The following DOCK3 variants were observed in gnomAD, a reference collection of about 807,000 sequenced individuals.
The protein encoded by DOCK3 is dedicator of cytokinesis 3.
In DOCK3, 60 loss-of-function variants were observed where a neutral mutation model predicts 265.6. The observed-to-expected ratio is 0.23, with a 90% confidence interval of 0.18 to 0.28. The LOEUF (loss-of-function observed/expected upper bound fraction) is 0.28. Ranked by LOEUF, DOCK3 falls within the 10% of genes least tolerant of loss-of-function variation. The pLI is 1.00. For missense variants in DOCK3, 1,981 were observed against 2,594.3 expected, an observed-to-expected ratio of 0.76 and a Z score of 5.14; for synonymous variants, 881 against 938.0, an observed-to-expected ratio of 0.94 and a Z score of 1.11.
At chr3:50,682,987 T>C (rs1274497669) in intron 1 of DOCK3, among the ~76,000 whole-genome samples, 2 of 152,236 alleles carry the variant, frequency 1.3e-5, no homozygotes, top group African/African-American at 2.4e-5. Flanking sequence ...GCCTGGTCTA[T>C]CTTTGCATTC....
At chr3:51,356,783 T>G (rs1198556981) in intron 43 of DOCK3, among the ~76,000 whole-genome samples, 179 bp from the exon 44 acceptor site, 7 of 152,192 alleles carry the variant, frequency 4.6e-5, no homozygotes, top group African/African-American at 1.7e-4. Context: ...CTTCACTATT[T>G]GCTGTACTTC....
intron 51 of DOCK3, chr3:51,379,452 TGC>T: frequency 1.0e-6 from 1 of 985,430 alleles, no homozygotes; most frequent in Non-Finnish European, 1.2e-6. Context: ...CCTTCAGCTG[TGC>T]CAGCAGCCCC....
chr3:50,936,343 A>G (rs1209813459), intron 5 of DOCK3, among the ~76,000 whole-genome samples: 1 of 151,730 alleles, frequency 6.6e-6, no homozygotes, highest in Non-Finnish European at 1.5e-5. Context: ...TAGCCTCAGA[A>G]TACTAGATAG....
chr3:50,992,410 G>A (rs1172218097), intron 5 of DOCK3, among the ~76,000 whole-genome samples: 1 of 152,166 alleles, frequency 6.6e-6, no homozygotes, highest in Non-Finnish European at 1.5e-5. Flanking sequence ...CTATTCTCCT[G>A]CCTCAGCCTC....
At chr3:51,014,390 A>G (rs2079072709) in intron 5 of DOCK3, among the ~76,000 whole-genome samples, 1 of 151,020 alleles carries the variant, frequency 6.6e-6, no homozygotes, top group Non-Finnish European at 1.5e-5. Flanking sequence ...TACATTCTCC[A>G]CCTCCCTCGA....
Position 51,016,752 on chromosome 3 carries a change from T to TATATGATATATGTTTATATATATA in DOCK3, c.316-47695_316-47694insTATGATATATGTTTATATATATAA, listed in dbSNP as rs2079315903. Among the ~76,000 whole-genome samples the TATATGATATATGTTTATATATATA allele has an allele frequency of 3.4e-4, 5 of 14,616 alleles. 2 individuals carry two copies. The highest frequency in any genetic ancestry group is 3.2e-3 in the African/African-American group (5 of 1,542). 9.6% of individuals were successfully genotyped at this position (14,616 alleles called of 152,430 possible). ...ATGATACATATTATATATATCAATA[T>TATATGATATATGTTTATATATATA]AATATATATGATATATGTTTATATA... On this transcript the variant is annotated intron_variant, in intron 5 of 52. Transcript: ENST00000266037.
At position 50,778,834 on chromosome 3, in the gene DOCK3, A is replaced by G. The variant is rs1370965034; in HGVS notation, c.121+76A>G. The stretch of plus-strand genomic sequence containing the variant: ...TATATACATTTATTTTGTGCTAATA[A>G]GATTATAAGCAATAATTCTGGAGCC... On this transcript the variant is annotated intron_variant, in intron 2 of 52. Transcript: ENST00000266037. The G allele has an allele frequency of 5.8e-6, 6 of 1,027,428 alleles. No homozygotes were observed. In the Admixed American group the frequency reaches 1.4e-4, roughly 24 times the overall value. 63.6% of individuals were successfully genotyped at this position (1,027,428 alleles called of 1,614,324 possible).
intron 4 of DOCK3, among the ~76,000 whole-genome samples, chr3:50,920,483 G>A (rs1481653149): frequency 6.6e-6 from 1 of 152,184 alleles, no homozygotes; most frequent in Non-Finnish European, 1.5e-5. Flanking sequence ...TTGGGAGGGT[G>A]TATGTGTCTA....
intron 47 of DOCK3, 124 bp downstream of exon 47, chr3:51,360,756 T>C (rs914224058): frequency 6.0e-5 from 80 of 1,341,194 alleles, no homozygotes; most frequent in Middle Eastern, 5.3e-4. Context: ...CAAACACTTA[T>C]GTGGCTCCTG....
chr3:51,372,821 A>G (rs1214437066), intron 49 of DOCK3, among the ~76,000 whole-genome samples: 1 of 152,234 alleles, frequency 6.6e-6, no homozygotes, highest in Non-Finnish European at 1.5e-5. Flanking sequence ...TATATTGGTC[A>G]GTGAGAATAG....
chr3:51,352,940 A>G (rs957091938), intron 40 of DOCK3, among the ~76,000 whole-genome samples: 1 of 152,198 alleles, frequency 6.6e-6, no homozygotes, highest in African/African-American at 2.4e-5. Context: ...CCCTGAATGC[A>G]CAGGCCATCT....
chr3:50,846,722 A>C lies in DOCK3; in HGVS notation c.162+5007A>C, dbSNP rs866882153. ...TGTTCAGGGTTTCAGTTTCTTCCTGATTCAATCTTGGGATCTTGTGTGTTT... is the reference window on the plus strand; with the variant it reads ...TGTTCAGGGTTTCAGTTTCTTCCTGCTTCAATCTTGGGATCTTGTGTGTTT... On this transcript the variant is annotated intron_variant, in intron 3 of 52. Coordinates refer to ENST00000266037, the MANE Select transcript of DOCK3 (RefSeq NM_004947.5). Among the ~76,000 whole-genome samples, 3 of 152,162 alleles carry C rather than the reference A, an allele frequency of 2.0e-5. 1 individual carries two copies. In the South Asian group the frequency reaches 6.2e-4, roughly 32 times the overall value.
At chr3:51,094,459 A>G (rs77289618) in intron 9 of DOCK3, among the ~76,000 whole-genome samples, 10,897 of 151,870 alleles carry the variant, frequency 0.072, 980 homozygotes, top group East Asian at 0.33. Flanking sequence ...TTGTGTAGAG[A>G]TATTTATAGT....
intron 5 of DOCK3, among the ~76,000 whole-genome samples, chr3:51,017,410 G>C (rs1285189974): frequency 6.6e-6 from 1 of 151,268 alleles, no homozygotes; most frequent in Non-Finnish European, 1.5e-5. Context: ...CTTTGAGTTT[G>C]GTTTGTGCTT....
chr3:51,079,770 A>C (rs962051888), intron 7 of DOCK3, among the ~76,000 whole-genome samples: 2 of 152,230 alleles, frequency 1.3e-5, no homozygotes, highest in African/African-American at 4.8e-5. Context: ...GAAAATATAA[A>C]GTATTTCAAA....
At chr3:50,728,747 G>A (rs1027962930) in intron 1 of DOCK3, among the ~76,000 whole-genome samples, 2 of 146,846 alleles carry the variant, frequency 1.4e-5, no homozygotes, top group African/African-American at 2.5e-5. Context: ...TTTTGAAATG[G>A]ATTCTTGCTC....
At chr3:51,213,239 G>A (rs1369643447) in intron 13 of DOCK3, among the ~76,000 whole-genome samples, 7 of 151,964 alleles carry the variant, frequency 4.6e-5, no homozygotes, top group Non-Finnish European at 8.8e-5. Flanking sequence ...CAGTGAGGAC[G>A]CCTCCTGTCA....
chr3:50,893,064 A>G (rs1424686405), intron 4 of DOCK3, among the ~76,000 whole-genome samples: 1 of 152,080 alleles, frequency 6.6e-6, no homozygotes, highest in African/African-American at 2.4e-5. Flanking sequence ...GTACATTCAT[A>G]GAAAAGGTTT....
chr3:50,983,089 A>G (rs2077756588), intron 5 of DOCK3, among the ~76,000 whole-genome samples: 1 of 152,142 alleles, frequency 6.6e-6, no homozygotes. Context: ...AGGTGTGTGC[A>G]TGCTTGAGGC....
Sources: gnomAD v4.1 joint callset for allele counts (sites outside exome capture counted in the v4.1 genomes callset) on GRCh38, gnomAD v4.1.1 for gene constraint, MANE v1.5 for transcripts, NCBI Gene and HGNC (gene_info 2026-07-23, HGNC 2026-07-21) for gene names.